The following USP34 variants were observed in gnomAD, a reference collection of about 807,000 sequenced individuals.
USP34 encodes the protein ubiquitin carboxyl-terminal hydrolase 34.
A neutral mutation model predicts 460.3 loss-of-function variants in USP34; 70 were observed. That is an observed-to-expected ratio of 0.15 (90% CI 0.13 to 0.19). The LOEUF (loss-of-function observed/expected upper bound fraction) is 0.19, where lower values mean the gene tolerates loss of function less well. Among genes scored for constraint, USP34 ranks in the 10% least tolerant of loss-of-function variants. The pLI is 1.00. For missense variants in USP34, 3,985 were observed against 4,236.2 expected (o/e 0.94, Z 1.65); for synonymous variants, 1,647 against 1,405.3 (o/e 1.17, Z -3.85).
chr2:61,275,290 CAAT>C, intron 41 of USP34, among the ~76,000 whole-genome samples: 1 of 152,068 alleles, frequency 6.6e-6, no homozygotes, highest in East Asian at 1.9e-4. Context: ...AAGATAATAA[CAAT>C]AATATTTTGA....
chr2:61,378,462 C>A, intron 7 of USP34, 38 bp from the exon 8 acceptor site: 1 of 1,432,094 alleles, frequency 7.0e-7, no homozygotes, highest in Non-Finnish European at 9.6e-7. Flanking sequence ...TTTTTATTTC[C>A]AAAATTATTC....
chr2:61,209,004 G>C, intron 69 of USP34, 27 bp from the exon 70 acceptor site: 1 of 1,472,316 alleles, frequency 6.8e-7, no homozygotes, highest in Non-Finnish European at 9.2e-7. Flanking sequence ...AGTTCAGTTT[G>C]AGAAGTCTGA....
chr2:61,285,506 TAAGAAAAGAAAAGAAA>T (rs1689662272), intron 34 of USP34, among the ~76,000 whole-genome samples: 1 of 129,924 alleles, frequency 7.7e-6, no homozygotes, highest in African/African-American at 2.8e-5. Context: ...AAAAAAAAAG[TAAGAAAAGAAAAGAAA>T]AAGAAAAGAA....
chr2:61,231,816 AATAT>A (rs1215651832), intron 58 of USP34, among the ~76,000 whole-genome samples: 2 of 101,962 alleles, frequency 2.0e-5, no homozygotes, highest in East Asian at 2.2e-4. Flanking sequence ...CCTCTAAAAA[AATAT>A]ATATACATAT....
chr2:61,203,381 C>G, intron 74 of USP34, 118 bp from the exon 75 acceptor site: 3 of 1,064,672 alleles, frequency 2.8e-6, no homozygotes, highest in Non-Finnish European at 3.6e-6. Flanking sequence ...CTATAAGAAC[C>G]TAGTTTTAAA....
chr2:61,261,808 C>G (rs1234528814), intron 43 of USP34, among the ~76,000 whole-genome samples: 5 of 151,904 alleles, frequency 3.3e-5, no homozygotes, highest in Non-Finnish European at 7.4e-5. Flanking sequence ...ATATCAAATT[C>G]TGTTAAGAAT....
intron 2 of USP34, among the ~76,000 whole-genome samples, chr2:61,406,650 T>TTC (rs35161447): frequency 6.0e-5 from 9 of 150,046 alleles, no homozygotes; most frequent in Non-Finnish European, 1.0e-4. Flanking sequence ...CACTCTCTCT[T>TTC]TCTCTCTCTC....
At chr2:61,367,657 A>G (rs1204928946) in intron 10 of USP34, among the ~76,000 whole-genome samples, 2 of 152,190 alleles carry the variant, frequency 1.3e-5, no homozygotes, top group African/African-American at 4.8e-5. Flanking sequence ...AGAAATAGCA[A>G]CATAATGGAA....
At chr2:61,258,973 G>A (rs1688796799) in intron 44 of USP34, among the ~76,000 whole-genome samples, 1 of 151,058 alleles carries the variant, frequency 6.6e-6, no homozygotes, top group Non-Finnish European at 1.5e-5. Context: ...ATAACTGACA[G>A]ACAGCTCCGG....
chr2:61,387,482 AGTGT>A (rs892451176), intron 5 of USP34, among the ~76,000 whole-genome samples: 2 of 150,148 alleles, frequency 1.3e-5, no homozygotes, highest in Non-Finnish European at 3.0e-5. Flanking sequence ...CAACAACAAA[AGTGT>A]GTGTGTGAGT....
At chr2:61,312,047 A>G in intron 25 of USP34, 137 bp from the exon 26 acceptor site, 2 of 1,055,936 alleles carry the variant, frequency 1.9e-6, no homozygotes, top group Non-Finnish European at 2.6e-6. Context: ...CTACAGCAAC[A>G]AATTTAAGTT....
intron 15 of USP34, 61 bp downstream of exon 15, chr2:61,347,809 T>C: frequency 3.2e-6 from 5 of 1,566,188 alleles, no homozygotes; most frequent in Non-Finnish European, 4.3e-6. Flanking sequence ...AAATTGAATA[T>C]AGGATATAAT....
intron 43 of USP34, among the ~76,000 whole-genome samples, chr2:61,262,571 TTATC>T (rs1247858974): frequency 7.2e-5 from 11 of 152,294 alleles, no homozygotes; most frequent in African/African-American, 2.4e-4. Context: ...CACATTTTCT[TTATC>T]TAGTCCACTG....
At chr2:61,381,898 C>T (rs1056907129) in intron 6 of USP34, among the ~76,000 whole-genome samples, 1 of 152,154 alleles carries the variant, frequency 6.6e-6, no homozygotes, top group Non-Finnish European at 1.5e-5. Flanking sequence ...TAAGTTCTCC[C>T]AGATTTTCAC....
chr2:61,256,367 C>T lies in USP34; in HGVS notation c.6221+17G>A, dbSNP rs917804152. The T allele has an allele frequency of 3.8e-6, 6 of 1,594,200 alleles. No individual in the cohort carries two copies. The highest frequency in any genetic ancestry group is 1.7e-5 in the Admixed American group (1 of 59,156). On this transcript the variant is annotated intron_variant, in intron 48 of 79. Transcript: ENST00000398571. ...TCTACGGTGAACATAATAAAAATCA[C>T]ATTTGAAAAAGCATACCTTTTTTCA... is the stretch of plus-strand genomic sequence containing the variant.
Position 61,214,410 on chromosome 2 carries a change from C to T in USP34, c.8332G>A (p.Asp2778Asn), listed in dbSNP as rs954690725. 6.2e-7 allele frequency: 1 copy of T among 1,614,124 alleles called. No homozygotes were observed. Among genetic ancestry groups the T allele is most frequent in the Non-Finnish European group, 8.5e-7 (1 of 1,180,018 alleles). The change falls in exon 68 of 80, where the codon GAT (aspartate) becomes AAT (asparagine). Residue 2778 changes from aspartate to asparagine, a missense_variant. Around this residue, in one of 14 missense-constraint regions of USP34, gnomAD observed 604 missense variants for 684.8 expected, o/e 0.88. Coordinates refer to ENST00000398571, the MANE Select transcript of USP34 (RefSeq NM_014709.4). ...TTAGGCTGGAAAAGGTTCCACAAAT[C>T]CATGAAATATGTGGAAAACATCAGC... ...EKLMFSTYFM[D>N]LWNLFQPKLS...
chr2:61,278,110 C>G, intron 41 of USP34, 55 bp downstream of exon 41: 2 of 1,594,646 alleles, frequency 1.3e-6, no homozygotes. Context: ...CACAATGTAA[C>G]AACAAAAAAT....
intron 41 of USP34, among the ~76,000 whole-genome samples, chr2:61,272,133 C>T (rs564500316): frequency 5.7e-4 from 87 of 152,254 alleles, no homozygotes; most frequent in South Asian, 1.2e-3. Context: ...CATTCTTGGC[C>T]GGGCACGGCG....
intron 43 of USP34, among the ~76,000 whole-genome samples, chr2:61,264,036 TAAAAAG>T (rs1212595083): frequency 6.6e-6 from 1 of 152,166 alleles, no homozygotes; most frequent in Admixed American, 6.6e-5. Context: ...AGTTGCCAGC[TAAAAAG>T]AAAACCACTG....
Sources: gnomAD v4.1 joint callset for allele counts (sites outside exome capture counted in the v4.1 genomes callset) on GRCh38, gnomAD v4.1.1 for gene constraint, gnomAD v4.1.1 regional missense constraint, MANE v1.5 for transcripts, NCBI Gene and HGNC (gene_info 2026-07-23, HGNC 2026-07-21) for gene names.